Variants in PIEZO2 observed in about 807,000 individuals in gnomAD.
PIEZO2 encodes the protein piezo type mechanosensitive ion channel component 2, also known as piezo-type mechanosensitive ion channel component 2.
PIEZO2 carries 172 observed loss-of-function variants against 337.3 expected under a neutral mutation model. The observed-to-expected ratio is 0.51, with a 90% confidence interval of 0.45 to 0.58. The LOEUF (loss-of-function observed/expected upper bound fraction) is 0.58, where lower values mean the gene tolerates loss of function less well. PIEZO2 is among the 20% of genes least tolerant of loss of function. PIEZO2 has a pLI of 0.00. For missense variants in PIEZO2, 3,028 were observed against 3,391.3 expected (o/e 0.89, Z 2.66); for synonymous variants, 1,251 against 1,228.5 (o/e 1.02, Z -0.38).
chr18:10,854,022 G>A lies in PIEZO2; in HGVS notation c.917+1331C>T, dbSNP rs1017065907. Among the ~76,000 whole-genome samples, 16 of 152,256 alleles carry A rather than the reference G, an allele frequency of 1.1e-4. No homozygotes were observed. The highest frequency in any genetic ancestry group is 2.6e-4 in the Admixed American group (4 of 15,300). ...GTATCTACTGTGCTCCTCTGAACTA[G>A]ACAGTTGCTGCCTCCACTCTCTATG... On this transcript the variant is annotated intron_variant, in intron 7 of 55. Coordinates refer to ENST00000674853, the MANE Select transcript of PIEZO2 (RefSeq NM_001378183.1). The surrounding 1 kb of genome is among the most constrained non-coding windows in gnomAD (Gnocchi z 4.6).
chr18:10,752,587 T>C (rs1375684670), intron 28 of PIEZO2, 49 bp downstream of exon 28: 10 of 1,522,192 alleles, frequency 6.6e-6, no homozygotes, highest in Non-Finnish European at 7.0e-6. Flanking sequence ...GTGGACTGTT[T>C]ACTCTTACAC....
chr18:10,796,816 C>A (rs1169193266), intron 12 of PIEZO2, among the ~76,000 whole-genome samples: 3 of 152,198 alleles, frequency 2.0e-5, no homozygotes, highest in Non-Finnish European at 4.4e-5. Context: ...TCATATCATA[C>A]ATACTGTCAT....
In PIEZO2 at chr18:10,766,692, C is replaced by T. The variant is rs2038372746; in HGVS notation, c.2946+3456G>A. ...AGGCTGCAACCGCCTGCAAGAGATA[C>T]TCCTCCCTGTGCAGCAAGTGCTCAC... On this transcript the variant is annotated intron_variant, in intron 21 of 55. Coordinates refer to ENST00000674853, the MANE Select transcript of PIEZO2 (RefSeq NM_001378183.1). The surrounding 1 kb of genome is among the most constrained non-coding windows in gnomAD (Gnocchi z 6.1). Among the ~76,000 whole-genome samples, 1 of 152,180 alleles carries T rather than the reference C, an allele frequency of 6.6e-6. No individual in the cohort carries two copies. The highest frequency in any genetic ancestry group is 2.4e-5 in the African/African-American group (1 of 41,460).
intron 2 of PIEZO2, among the ~76,000 whole-genome samples, chr18:11,010,856 T>G (rs887426129): frequency 1.3e-5 from 2 of 152,254 alleles, no homozygotes; most frequent in Non-Finnish European, 2.9e-5. Context: ...GGAAGCCCAG[T>G]CAATATTTGT....
intron 36 of PIEZO2, among the ~76,000 whole-genome samples, chr18:10,721,304 C>T (rs1598399329): frequency 1.3e-5 from 2 of 152,232 alleles, no homozygotes; most frequent in African/African-American, 4.8e-5. Flanking sequence ...CATATGACAA[C>T]AGCTGGCACT....
At chr18:10,811,832 T>G (rs1000273669) in intron 7 of PIEZO2, among the ~76,000 whole-genome samples, 14 of 152,246 alleles carry the variant, frequency 9.2e-5, no homozygotes, top group Admixed American at 8.5e-4. Context: ...TGTTGTTGTT[T>G]TTTTCTTTTT....
chr18:10,671,393 G>C lies in PIEZO2; in HGVS notation c.*134C>G, dbSNP rs1375660701. Reference sequence around the variant, plus strand: ...TAGCTTTTACTGCAGAAGGATATCAGCTCCTTTTGTCTACCTATCAGAAGA... The same window carrying C: ...TAGCTTTTACTGCAGAAGGATATCACCTCCTTTTGTCTACCTATCAGAAGA... On this transcript the variant is annotated 3_prime_UTR_variant, in exon 56 of 56. Transcript: ENST00000674853. 2.1e-6 allele frequency: 2 copies of C among 938,626 alleles called. No individual in the cohort carries two copies. The highest frequency in any genetic ancestry group is 3.1e-6 in the Non-Finnish European group (2 of 655,546). 58.1% of individuals were successfully genotyped at this position (938,626 alleles called of 1,614,324 possible). A position where few individuals can be genotyped will look rare whatever the true frequency, so the allele number is the denominator to read the frequency against.
Position 10,943,286 on chromosome 18 carries a change from A to T in PIEZO2, c.287-32058T>A, listed in dbSNP as rs1411308727. 6.6e-6 allele frequency among the ~76,000 whole-genome samples: 1 copy of T among 152,160 alleles called. No homozygotes were observed. The highest frequency in any genetic ancestry group is 1.5e-5 in the Non-Finnish European group (1 of 68,032). On this transcript the variant is annotated intron_variant, in intron 3 of 55. Coordinates refer to ENST00000674853, the MANE Select transcript of PIEZO2 (RefSeq NM_001378183.1). The surrounding 1 kb of genome is among the most constrained non-coding windows in gnomAD (Gnocchi z 4.5). ...ACAGCTTGCACCATGTGCCTGGAAA[A>T]GCCGCAGACACTCAACTCCAACCAG... is the stretch of plus-strand genomic sequence containing the variant.
At chr18:10,948,967 G>C (rs927157441) in intron 3 of PIEZO2, among the ~76,000 whole-genome samples, 1 of 152,142 alleles carries the variant, frequency 6.6e-6, no homozygotes, top group Non-Finnish European at 1.5e-5. Context: ...TTGCTTTTAT[G>C]AAAGCATGTT....
chr18:10,967,810 G>A (rs1156946867), intron 3 of PIEZO2, among the ~76,000 whole-genome samples: 1 of 152,082 alleles, frequency 6.6e-6, no homozygotes, highest in Non-Finnish European at 1.5e-5. Context: ...TTACTGATTT[G>A]TCTGAGTTCC....
Position 10,789,089 on chromosome 18 carries a change from G to T in PIEZO2, c.2159C>A (p.Ala720Asp). The T allele has an allele frequency of 6.5e-7, 1 of 1,536,840 alleles. No homozygotes were observed. The highest frequency in any genetic ancestry group is 8.7e-7 in the Non-Finnish European group (1 of 1,146,660). ...IYMVLFLFCV[A>D]LYQVHYEWWR... Reference sequence around the variant, plus strand: ...CAACTGTGTACCTACCTGGTATAGGGCCACACAGAACAGGAACAGCACCAT... The same window carrying T: ...CAACTGTGTACCTACCTGGTATAGGTCCACACAGAACAGGAACAGCACCAT... The change falls in exon 15 of 56, where the codon GCC becomes GAC. Residue 720 changes from alanine to aspartate, a missense_variant. Physicochemically the swap from Ala to Asp is moderately radical, Grantham distance 126. Around this residue, in one of 5 missense-constraint regions of PIEZO2, gnomAD observed 1,925 missense variants for 2,051.9 expected, o/e 0.94. Coordinates refer to ENST00000674853, the MANE Select transcript of PIEZO2 (RefSeq NM_001378183.1).
intron 3 of PIEZO2, among the ~76,000 whole-genome samples, chr18:10,923,381 A>G (rs148689030): frequency 4.6e-5 from 7 of 152,318 alleles, no homozygotes; most frequent in African/African-American, 1.7e-4. Flanking sequence ...GAATTGTTAT[A>G]ATTCCAAGTC....
At position 11,021,157 on chromosome 18, in the gene PIEZO2, C is replaced by G. The variant is rs1053258180; in HGVS notation, c.161-41497G>C. ...CTTCCGTTACATCATGAAAGAAACT[C>G]TAGTCATCTCCACCGGTTCTCCAAA... On this transcript the variant is annotated intron_variant, in intron 2 of 55. Transcript: ENST00000674853. The surrounding 1 kb of genome is among the most constrained non-coding windows in gnomAD (Gnocchi z 4.7). Among the ~76,000 whole-genome samples, 1 of 152,156 alleles carries G rather than the reference C, an allele frequency of 6.6e-6. No homozygotes were observed. Among genetic ancestry groups the G allele is most frequent in the Non-Finnish European group, 1.5e-5 (1 of 68,028 alleles).
intron 4 of PIEZO2, among the ~76,000 whole-genome samples, chr18:10,898,307 G>C (rs2042956066): frequency 6.6e-6 from 1 of 152,186 alleles, no homozygotes; most frequent in South Asian, 2.1e-4. Context: ...TGTAGTCCCA[G>C]CTACTCGGGA....
At chr18:10,994,451 T>C (rs960405689) in intron 2 of PIEZO2, among the ~76,000 whole-genome samples, 2 of 151,122 alleles carry the variant, frequency 1.3e-5, no homozygotes, top group African/African-American at 4.9e-5. Context: ...TCTCTATTGC[T>C]CAGGCTGGAG....
At chr18:11,023,822 T>C (rs895569076) in intron 2 of PIEZO2, among the ~76,000 whole-genome samples, 5 of 152,174 alleles carry the variant, frequency 3.3e-5, no homozygotes, top group African/African-American at 9.6e-5. Flanking sequence ...CGGCGAGAAT[T>C]CGAGCGCAGC....
intron 16 of PIEZO2, among the ~76,000 whole-genome samples, chr18:10,785,646 T>G (rs1179653445): frequency 6.6e-6 from 1 of 152,080 alleles, no homozygotes; most frequent in Non-Finnish European, 1.5e-5. Context: ...GCCTCCTGTG[T>G]TCTTTTCTTT....
intron 14 of PIEZO2, among the ~76,000 whole-genome samples, chr18:10,790,034 A>G (rs1303458793): frequency 6.6e-6 from 1 of 152,226 alleles, no homozygotes; most frequent in African/African-American, 2.4e-5. Context: ...TATTCAAACA[A>G]CTAGTAGATT....
chr18:10,703,559 G>A (rs372697672), intron 42 of PIEZO2, among the ~76,000 whole-genome samples: 2 of 149,864 alleles, frequency 1.3e-5, no homozygotes, highest in African/African-American at 2.5e-5. Context: ...CATTTAAGAA[G>A]TAATTACAGC....
Sources: gnomAD v4.1 joint callset for allele counts (sites outside exome capture counted in the v4.1 genomes callset) on GRCh38, gnomAD v4.1.1 for gene constraint, gnomAD v4.1.1 regional missense constraint, Gnocchi (gnomAD v3.1) non-coding constraint, MANE v1.5 for transcripts, NCBI Gene and HGNC (gene_info 2026-07-23, HGNC 2026-07-21) for gene names.